OCIAD1: variants seen among roughly 807,000 people sequenced by gnomAD.
OCIAD1 encodes OCIA domain-containing protein 1.
Under a neutral mutation model 38.9 loss-of-function variants are expected in OCIAD1, and 29 were observed. The observed-to-expected ratio is 0.74, with a 90% CI of 0.55 to 1.02. OCIAD1 has a LOEUF of 1.02. Among genes scored for constraint, OCIAD1 ranks in the 50% least tolerant of loss-of-function variants. The pLI, the probability that OCIAD1 is intolerant of heterozygous loss-of-function variation, is 0.00. For synonymous variants in OCIAD1, 110 were observed against 92.0 expected, an observed-to-expected ratio of 1.20 and a Z score of -1.12; for missense variants, 288 against 289.6, an observed-to-expected ratio of 0.99 and a Z score of 0.04.
intron 7 of OCIAD1, among the ~76,000 whole-genome samples, chr4:48,854,069 C>G (rs995344702): frequency 1.3e-5 from 2 of 152,194 alleles, no homozygotes; most frequent in Admixed American, 6.5e-5. Flanking sequence ...AGGCAGCTGT[C>G]CTTGTTCCTC....
rs1779282090 is a variant in OCIAD1, at chr4:48,849,940, A to C, written c.242-7A>C. Reference sequence around the variant, plus strand: ...AGTTACACTTTTTGTTTGATTTTACAAATAAGTTGCTTGTATCATGGGATA... The same window carrying C: ...AGTTACACTTTTTGTTTGATTTTACCAATAAGTTGCTTGTATCATGGGATA... On this transcript the variant is annotated splice_region_variant and splice_polypyrimidine_tract_variant and intron_variant, in intron 5 of 8. Coordinates refer to ENST00000264312, the MANE Select transcript of OCIAD1 (RefSeq NM_017830.4). The C allele has an allele frequency of 6.3e-7, 1 of 1,590,942 alleles. No homozygotes were observed. The highest frequency in any genetic ancestry group is 1.4e-5 in the African/African-American group (1 of 73,254).
intron 1 of OCIAD1, among the ~76,000 whole-genome samples, chr4:48,825,108 C>T (rs1777236035): frequency 2.0e-5 from 3 of 152,190 alleles, no homozygotes; most frequent in African/African-American, 7.2e-5. Context: ...AGATCCCCTG[C>T]AGCTGGCATG....
upstream of OCIAD1, among the ~76,000 whole-genome samples, chr4:48,829,207 C>T (rs1031558132): frequency 6.6e-6 from 1 of 151,852 alleles, no homozygotes. Context: ...TTGCAGTGAG[C>T]CGAGATGGCA....
chr4:48,820,917 C>A (rs1395175259), intron 1 of OCIAD1, among the ~76,000 whole-genome samples: 2 of 152,042 alleles, frequency 1.3e-5, no homozygotes, highest in Non-Finnish European at 2.9e-5. Flanking sequence ...AATAGCCTAC[C>A]AACCAACAAA....
intron 1 of OCIAD1, among the ~76,000 whole-genome samples, chr4:48,807,273 T>C (rs1431460685): frequency 6.6e-6 from 1 of 151,826 alleles, no homozygotes; most frequent in South Asian, 2.1e-4. Flanking sequence ...TGAGCTACGA[T>C]TGAGCCACTG....
At chr4:48,828,807 C>T (rs971249035), upstream of OCIAD1, among the ~76,000 whole-genome samples, 2 of 152,182 alleles carry the variant, frequency 1.3e-5, no homozygotes, top group African/African-American at 2.4e-5. Flanking sequence ...AGAACTGTAA[C>T]GCTCACCGTG....
chr4:48,813,172 C>T (rs956228006), intron 1 of OCIAD1, among the ~76,000 whole-genome samples: 3 of 152,204 alleles, frequency 2.0e-5, no homozygotes, highest in African/African-American at 7.2e-5. Context: ...CAAGAAATAT[C>T]GCAACACTTT....
chr4:48,806,765 C>T (rs537928041), intron 1 of OCIAD1, among the ~76,000 whole-genome samples: 22 of 150,926 alleles, frequency 1.5e-4, no homozygotes, highest in Non-Finnish European at 2.2e-4. Context: ...GCCACCATGC[C>T]CAGCTAATTG....
At chr4:48,806,734 T>C (rs1339777430) in intron 1 of OCIAD1, among the ~76,000 whole-genome samples, 2 of 152,178 alleles carry the variant, frequency 1.3e-5, no homozygotes, top group East Asian at 3.9e-4. Context: ...GCCTCCCGAG[T>C]ACCTGGGACT....
At chr4:48,839,671 AAAT>A (rs1367139065) in intron 3 of OCIAD1, among the ~76,000 whole-genome samples, 1 of 152,208 alleles carries the variant, frequency 6.6e-6, no homozygotes, top group Non-Finnish European at 1.5e-5. Context: ...ATGATTAATG[AAAT>A]AAAAATTTTT....
intron 6 of OCIAD1, among the ~76,000 whole-genome samples, chr4:48,850,820 C>G (rs6810662): frequency 0.028 from 4,209 of 152,274 alleles, 177 homozygotes; most frequent in African/African-American, 0.096. Flanking sequence ...AGTGATCTGC[C>G]CCACTTGGCC....
intron 3 of OCIAD1, among the ~76,000 whole-genome samples, chr4:48,834,866 A>G (rs1275064433): frequency 6.6e-6 from 1 of 152,204 alleles, no homozygotes; most frequent in Admixed American, 6.5e-5. Context: ...TAAAATGTGC[A>G]AGGTACCTGT....
Position 48,857,350 on chromosome 4 carries a change from GTGCC to G in OCIAD1, c.686_689del (p.Val229GlufsTer7). 1 of 1,550,018 alleles carries G rather than the reference GTGCC, an allele frequency of 6.5e-7. No individual in the cohort carries two copies. On this transcript the variant is annotated frameshift_variant, in exon 8 of 9. Transcript: ENST00000264312. LOFTEE classifies it high-confidence loss of function. ...CTCAGTCAGGCCTATGCATGAAAGAGTGCCAAAAAAAGAAGGTATGATAGTTTAG... is the reference window on the plus strand; with the variant it reads ...CTCAGTCAGGCCTATGCATGAAAGAGAAAAAAAGAAGGTATGATAGTTTAG...
At chr4:48,808,755 C>G (rs1194781183) in intron 1 of OCIAD1, among the ~76,000 whole-genome samples, 1 of 152,180 alleles carries the variant, frequency 6.6e-6, no homozygotes. Flanking sequence ...AATTACCCAG[C>G]CTGTGGTATT....
In OCIAD1 at chr4:48,860,759, GT is replaced by G. The variant is rs1780538081; in HGVS notation, c.736del (p.Ter246GlufsTer8). 3 of 1,603,472 alleles carry G rather than the reference GT, an allele frequency of 1.9e-6. No individual in the cohort carries two copies. The Admixed American group carries it at 5.0e-5, about 27-fold the overall frequency. ...ACAAGTATGGAGATACTTGGGATGA[GT>G]GAAAAATTACATCATTGGACATGAA... The part of the protein sequence containing the change: ...VNKYGDTWDE[*>X] On this transcript the variant is annotated frameshift_variant and stop_lost, in exon 9 of 9. Transcript: ENST00000264312. LOFTEE classifies it high-confidence loss of function.
chr4:48,829,702 C>T (rs1472003778), upstream of OCIAD1, among the ~76,000 whole-genome samples: 1 of 152,172 alleles, frequency 6.6e-6, no homozygotes, highest in Non-Finnish European at 1.5e-5. Flanking sequence ...GAAGAGGGAA[C>T]AGCAATTGCA....
intron 1 of OCIAD1, among the ~76,000 whole-genome samples, chr4:48,820,537 G>A (rs1441823608): frequency 6.6e-6 from 1 of 152,070 alleles, no homozygotes; most frequent in Admixed American, 6.6e-5. Context: ...CAGAAAACAA[G>A]AAATAACTAA....
chr4:48,847,637 A>G (rs777760763), intron 4 of OCIAD1, among the ~76,000 whole-genome samples: 13 of 152,332 alleles, frequency 8.5e-5, no homozygotes, highest in African/African-American at 1.4e-4. Context: ...ACCCAGCACT[A>G]TATTTGAAAG....
chr4:48,849,732 A>C (rs116044583), intron 5 of OCIAD1, among the ~76,000 whole-genome samples: 6,015 of 152,182 alleles, frequency 0.04, 189 homozygotes, highest in Non-Finnish European at 0.063. Context: ...ATTTTGGCAC[A>C]CTTTTTTTGG....
Sources: gnomAD v4.1 joint callset for allele counts (sites outside exome capture counted in the v4.1 genomes callset) on GRCh38, gnomAD v4.1.1 for gene constraint, MANE v1.5 for transcripts, NCBI Gene and HGNC (gene_info 2026-07-23, HGNC 2026-07-21) for gene names.